The following ELMO1 variants were observed in gnomAD, a reference collection of about 807,000 sequenced individuals.
ELMO1 encodes the protein engulfment and cell motility protein 1.
ELMO1 carries 26 observed loss-of-function variants against 98.9 expected under a neutral mutation model. That is an observed-to-expected ratio of 0.26 (90% CI 0.19 to 0.36). ELMO1 has a LOEUF of 0.36. Among genes scored for constraint, ELMO1 ranks in the 10% least tolerant of loss-of-function variants. The pLI is 1.00. For missense variants in ELMO1, 627 were observed against 935.2 expected (o/e 0.67, Z 4.30); for synonymous variants, 346 against 346.0 (o/e 1.00, Z 0.00).
At chr7:37,265,510 G>A (rs1047767346) in intron 5 of ELMO1, among the ~76,000 whole-genome samples, 3 of 152,064 alleles carry the variant, frequency 2.0e-5, no homozygotes, top group Non-Finnish European at 4.4e-5. Flanking sequence ...GCTCGAAAGT[G>A]TTGCCTCCGT....
At chr7:37,424,695 C>T (rs968300946) in intron 1 of ELMO1, among the ~76,000 whole-genome samples, 3 of 152,176 alleles carry the variant, frequency 2.0e-5, no homozygotes, top group African/African-American at 7.2e-5. Flanking sequence ...AAACATTACT[C>T]ATTTCACAAA....
chr7:37,223,202 T>C (rs76292168), intron 9 of ELMO1, among the ~76,000 whole-genome samples: 1,537 of 152,340 alleles, frequency 0.01, 32 homozygotes, highest in African/African-American at 0.036. Flanking sequence ...GGTGTTTGTT[T>C]ATAAATCTGA....
intron 1 of ELMO1, among the ~76,000 whole-genome samples, chr7:37,426,273 C>T (rs1221023012): frequency 6.6e-6 from 1 of 150,922 alleles, no homozygotes; most frequent in Non-Finnish European, 1.5e-5. Context: ...CCTGCCTCAG[C>T]CTCCAAAGTA....
chr7:37,204,895 C>T (rs140810251), intron 13 of ELMO1, among the ~76,000 whole-genome samples: 31 of 152,300 alleles, frequency 2.0e-4, no homozygotes, highest in Non-Finnish European at 3.1e-4. Context: ...CTGATTGGTG[C>T]GTTTACAATC....
At chr7:37,002,324 G>C (rs1268713111) in intron 16 of ELMO1, 1 of 152,256 alleles carries the variant, frequency 6.6e-6, no homozygotes, top group Non-Finnish European at 1.5e-5. Context: ...AAGTCAAAGG[G>C]TGAAGGAAAT....
At chr7:37,405,591 C>A (rs1803721232) in intron 1 of ELMO1, among the ~76,000 whole-genome samples, 1 of 152,206 alleles carries the variant, frequency 6.6e-6, no homozygotes, top group Non-Finnish European at 1.5e-5. Flanking sequence ...AGCAATTAAA[C>A]TTCTGTGTGC....
chr7:37,394,510 C>G (rs1803211887), intron 1 of ELMO1, among the ~76,000 whole-genome samples: 1 of 152,082 alleles, frequency 6.6e-6, no homozygotes, highest in Admixed American at 6.6e-5. Flanking sequence ...TTACAACAAC[C>G]TAAGGAACCC....
At chr7:36,933,482 C>T (rs1428304845) in intron 16 of ELMO1, among the ~76,000 whole-genome samples, 3 of 152,162 alleles carry the variant, frequency 2.0e-5, no homozygotes, top group Admixed American at 6.5e-5. Flanking sequence ...GCTGTGAAAT[C>T]ACAATTGCAT....
chr7:37,378,975 A>C (rs996397211), intron 1 of ELMO1, among the ~76,000 whole-genome samples: 3 of 152,194 alleles, frequency 2.0e-5, no homozygotes, highest in African/African-American at 7.2e-5. Context: ...TTCCCTGCTC[A>C]GAATCCTTCA....
intron 4 of ELMO1, among the ~76,000 whole-genome samples, chr7:37,310,193 T>C (rs1235554031): frequency 2.6e-5 from 4 of 152,240 alleles, no homozygotes; most frequent in East Asian, 1.9e-4. Flanking sequence ...TTACAAGATA[T>C]GGAATTTATC....
intron 16 of ELMO1, among the ~76,000 whole-genome samples, chr7:36,973,144 T>C (rs1214564804): frequency 6.6e-6 from 1 of 152,232 alleles, no homozygotes; most frequent in African/African-American, 2.4e-5. Flanking sequence ...TCAAGGTTTC[T>C]AAGCAGGCTT....
rs761554084 is a variant in ELMO1 at position 36,870,473 on chromosome 7, G to C, written c.1825C>G (p.Pro609Ala). The C allele has an allele frequency of 8.7e-6, 14 of 1,613,118 alleles. No individual in the cohort carries two copies. The highest frequency in any genetic ancestry group is 5.9e-6 in the Non-Finnish European group (7 of 1,179,730). The change falls in exon 20 of 22, where the codon CCG becomes GCG. Residue 609 changes from proline to alanine, a missense_variant and splice_region_variant. By Grantham distance (27) the Pro-to-Ala change is conservative. Around this residue, in one of 3 missense-constraint regions of ELMO1, gnomAD observed 492 missense variants for 715.6 expected, o/e 0.69. Coordinates refer to ENST00000310758, the MANE Select transcript of ELMO1 (RefSeq NM_014800.11). This position sits in a 1 kb window ranked among gnomAD's most constrained non-coding sequence, Gnocchi z 4.4. The stretch of plus-strand genomic sequence containing the variant: ...ACCACGGCTTTGATATCTGCCACCG[G>C]CACTGCAATTCATAAAAGAAAATGC... ...VPHDSLQDKL[P>A]VADIKAVVTG...
intron 14 of ELMO1, among the ~76,000 whole-genome samples, chr7:37,097,689 GC>G (rs1784434807): frequency 6.6e-6 from 1 of 152,160 alleles, no homozygotes; most frequent in Non-Finnish European, 1.5e-5. Flanking sequence ...TGCTGACGGT[GC>G]CCCTGGAGTG....
intron 4 of ELMO1, among the ~76,000 whole-genome samples, chr7:37,272,335 G>A (rs979499202): frequency 6.6e-5 from 10 of 152,150 alleles, no homozygotes; most frequent in African/African-American, 2.4e-4. Flanking sequence ...TAAGCAAAAT[G>A]TGGTCTATCC....
intron 6 of ELMO1, among the ~76,000 whole-genome samples, chr7:37,245,117 C>T (rs758372711): frequency 1.3e-5 from 2 of 152,192 alleles, no homozygotes; most frequent in Non-Finnish European, 2.9e-5. Flanking sequence ...CCCCTCTTTG[C>T]CCAACTCGCT....
At chr7:37,303,686 A>C (rs1798462372) in intron 4 of ELMO1, among the ~76,000 whole-genome samples, 1 of 152,192 alleles carries the variant, frequency 6.6e-6, no homozygotes, top group African/African-American at 2.4e-5. Flanking sequence ...GAGGAAACCC[A>C]CGTGTCACTC....
In ELMO1 at chr7:37,085,004, G is replaced by A. The variant is rs534969558; in HGVS notation, c.1300+11615C>T. ...ACTCCTGACCTCATGTAATCTGCCCGCCTCAGCCTCCCAAAGTGGTTGGAT... is the reference window on the plus strand; with the variant it reads ...ACTCCTGACCTCATGTAATCTGCCCACCTCAGCCTCCCAAAGTGGTTGGAT... On this transcript the variant is annotated intron_variant, in intron 15 of 21. Transcript: ENST00000310758. 2.0e-3 allele frequency among the ~76,000 whole-genome samples: 310 copies of A among 152,192 alleles called. 2 individuals are homozygous for A. The highest frequency in any genetic ancestry group is 7.2e-3 in the African/African-American group (300 of 41,524).
At chr7:37,220,756 A>T (rs542034554) in intron 10 of ELMO1, among the ~76,000 whole-genome samples, 1 of 152,206 alleles carries the variant, frequency 6.6e-6, no homozygotes, top group East Asian at 1.9e-4. Flanking sequence ...GATCCAAGTG[A>T]AATGGCCTTT....
intron 13 of ELMO1, among the ~76,000 whole-genome samples, chr7:37,185,283 A>C (rs1480895119): frequency 6.6e-6 from 1 of 152,228 alleles, no homozygotes; most frequent in African/African-American, 2.4e-5. Flanking sequence ...CTGAGCCCAG[A>C]ATATTTAATA....
Sources: allele counts gnomAD v4.1 joint callset (sites outside exome capture counted in the v4.1 genomes callset), GRCh38; gene constraint gnomAD v4.1.1; regional missense constraint gnomAD v4.1.1; non-coding constraint Gnocchi (gnomAD v3.1); transcripts MANE v1.5; gene names NCBI Gene and HGNC (gene_info 2026-07-23, HGNC 2026-07-21).